Variants in RIN2 observed in about 807,000 individuals in gnomAD.
RIN2 encodes the protein RAB5 interacting protein 2.
RIN2 carries 36 observed loss-of-function variants against 78.0 expected under a neutral mutation model. That is an observed-to-expected ratio of 0.46 (90% CI 0.35 to 0.61). RIN2 has a LOEUF of 0.61. Ranked by LOEUF, RIN2 falls within the 20% of genes least tolerant of loss-of-function variation. The pLI, the probability that RIN2 is intolerant of heterozygous loss-of-function variation, is 0.00. For synonymous variants in RIN2, 466 were observed against 466.8 expected (o/e 1.00, Z 0.02); for missense variants, 1,087 against 1,159.7 (o/e 0.94, Z 0.91).
chr20:19,967,779 T>C lies in RIN2; in HGVS notation c.536+2755T>C, dbSNP rs378567. 9.9e-3 allele frequency among the ~76,000 whole-genome samples: 1,508 copies of C among 152,314 alleles called. 27 individuals are homozygous for C. Among genetic ancestry groups the C allele is most frequent in the South Asian group, 0.047 (229 of 4,830 alleles). On this transcript the variant is annotated intron_variant, in intron 7 of 12. Coordinates refer to ENST00000255006, the MANE Select transcript of RIN2 (RefSeq NM_018993.4). ...GTTTTGCATTTTCAGCAAGCTCCCA[T>C]GGGTTAAGGCTAATGCTGCTTGTCC...
In RIN2 at chr20:19,958,710, A is replaced by C. The variant is rs553263724; in HGVS notation, c.351+1903A>C. On this transcript the variant is annotated intron_variant, in intron 5 of 12. Coordinates refer to ENST00000255006, the MANE Select transcript of RIN2 (RefSeq NM_018993.4). Reference sequence around the variant, plus strand: ...ATGGCGAAACCCCGTCTCTACTAAAAATACACAAGTTAGCCAGCCATGGTG... The same window carrying C: ...ATGGCGAAACCCCGTCTCTACTAAACATACACAAGTTAGCCAGCCATGGTG... Among the ~76,000 whole-genome samples the C allele has an allele frequency of 7.9e-5, 12 of 152,312 alleles. No individual in the cohort carries two copies. The East Asian group carries it at 2.3e-3, about 29-fold the overall frequency.
chr20:19,831,287 G>GA (rs370636756), intron 2 of RIN2, among the ~76,000 whole-genome samples: 4 of 152,134 alleles, frequency 2.6e-5, no homozygotes, highest in African/African-American at 9.7e-5. Flanking sequence ...TTTTTAACCT[G>GA]AAAAAATTGA....
intron 3 of RIN2, among the ~76,000 whole-genome samples, chr20:19,932,705 T>A (rs1046997264): frequency 2.0e-4 from 30 of 152,120 alleles, no homozygotes; most frequent in Non-Finnish European, 4.1e-4. Context: ...CCTTAGATAA[T>A]CTCTCCCTGC....
chr20:19,859,558 G>A (rs2037270383), intron 2 of RIN2, among the ~76,000 whole-genome samples: 1 of 152,122 alleles, frequency 6.6e-6, no homozygotes, highest in Non-Finnish European at 1.5e-5. Flanking sequence ...CCATTAAATA[G>A]TCACAAGGTC....
chr20:19,875,898 A>C (rs1432165584), intron 2 of RIN2, among the ~76,000 whole-genome samples: 1 of 152,196 alleles, frequency 6.6e-6, no homozygotes, highest in Non-Finnish European at 1.5e-5. Flanking sequence ...GAGGATGGGA[A>C]GGAAGATGAG....
intron 3 of RIN2, among the ~76,000 whole-genome samples, chr20:19,925,535 A>G (rs1357208302): frequency 1.3e-5 from 2 of 152,252 alleles, no homozygotes; most frequent in Non-Finnish European, 2.9e-5. Context: ...ATATCAGACA[A>G]TGGATTCATA....
At chr20:19,933,261 A>G (rs564808133) in intron 3 of RIN2, among the ~76,000 whole-genome samples, 2 of 152,326 alleles carry the variant, frequency 1.3e-5, no homozygotes, top group South Asian at 4.1e-4. Flanking sequence ...AAGGTGGTGA[A>G]TACCATGATC....
intron 2 of RIN2, among the ~76,000 whole-genome samples, chr20:19,825,075 A>T (rs1052293762): frequency 1.9e-4 from 29 of 152,192 alleles, no homozygotes; most frequent in African/African-American, 7.0e-4. Context: ...GGTATGAGTC[A>T]TGCTCTCAAG....
intron 2 of RIN2, among the ~76,000 whole-genome samples, chr20:19,882,080 A>G (rs1424694695): frequency 1.3e-5 from 2 of 152,236 alleles, no homozygotes; most frequent in Non-Finnish European, 2.9e-5. Flanking sequence ...GGAAAGTGAA[A>G]AAAACTTGGT....
chr20:19,830,262 A>AT (rs11484135), intron 2 of RIN2, among the ~76,000 whole-genome samples: 26,473 of 151,540 alleles, frequency 0.17, 2,542 homozygotes, highest in African/African-American at 0.26. Flanking sequence ...CTAGCTTCAC[A>AT]TTTTTTTTTA....
intron 2 of RIN2, among the ~76,000 whole-genome samples, chr20:19,838,673 G>A (rs2036491904): frequency 6.6e-6 from 1 of 152,174 alleles, no homozygotes; most frequent in Non-Finnish European, 1.5e-5. Context: ...ATGGCTACAG[G>A]AAATCATACT....
At chr20:19,927,028 T>A (rs1193685059) in intron 3 of RIN2, among the ~76,000 whole-genome samples, 1 of 152,206 alleles carries the variant, frequency 6.6e-6, no homozygotes, top group Non-Finnish European at 1.5e-5. Context: ...TAGGGGAAAT[T>A]CAGCGCCTAG....
At chr20:19,977,318 G>C (rs1020819014) in intron 9 of RIN2, among the ~76,000 whole-genome samples, 1 of 152,106 alleles carries the variant, frequency 6.6e-6, no homozygotes, top group Non-Finnish European at 1.5e-5. Context: ...AGTTAGTCCC[G>C]GGAAGCTCTT....
At chr20:19,910,156 A>T (rs376350945) in intron 3 of RIN2, among the ~76,000 whole-genome samples, 1 of 152,052 alleles carries the variant, frequency 6.6e-6, no homozygotes, top group African/African-American at 2.4e-5. Flanking sequence ...TTAATTTTTT[A>T]TTTATTTTAA....
chr20:19,889,064 A>G, intron 2 of RIN2: 1 of 919,270 alleles, frequency 1.1e-6, no homozygotes, highest in Non-Finnish European at 1.3e-6. Flanking sequence ...CTAAGGGAAA[A>G]ATAGAGCAAT....
chr20:19,848,534 C>CAAAA (rs11352724), intron 2 of RIN2, among the ~76,000 whole-genome samples: 2 of 52,800 alleles, frequency 3.8e-5, no homozygotes, highest in African/African-American at 5.7e-5. Context: ...GACTCCATCT[C>CAAAA]AAAAAAAAAA....
Position 20,001,090 on chromosome 20 carries a change from A to T in RIN2, c.*154A>T, listed in dbSNP as rs937862108. 3.1e-6 allele frequency: 2 copies of T among 645,296 alleles called. No individual in the cohort carries two copies. The highest frequency in any genetic ancestry group is 5.2e-6 in the Non-Finnish European group (2 of 383,400). The allele number at this position is 645,296 out of a possible 1,614,324, so 40.0% of individuals were successfully genotyped here. A position where few individuals can be genotyped will look rare whatever the true frequency, so the allele number is the denominator to read the frequency against. ...CCACAGGCCAACTCGGCCAAGGGCA[A>T]CTTTAGCCACGCAAGGTAGCTGAGG... On this transcript the variant is annotated 3_prime_UTR_variant, in exon 13 of 13. Coordinates refer to ENST00000255006, the MANE Select transcript of RIN2 (RefSeq NM_018993.4).
chr20:19,987,613 C>A (rs1440224171), intron 9 of RIN2, among the ~76,000 whole-genome samples: 2 of 152,212 alleles, frequency 1.3e-5, no homozygotes, highest in East Asian at 3.9e-4. Context: ...TGAAGTAAAG[C>A]ACTTAGATGG....
At chr20:19,931,867 G>T (rs1299156865) in intron 3 of RIN2, among the ~76,000 whole-genome samples, 1 of 152,102 alleles carries the variant, frequency 6.6e-6, no homozygotes, top group Non-Finnish European at 1.5e-5. Flanking sequence ...ACCCTTAGGT[G>T]TTCTCACAAA....
Sources: allele counts gnomAD v4.1 joint callset (sites outside exome capture counted in the v4.1 genomes callset), GRCh38; gene constraint gnomAD v4.1.1; transcripts MANE v1.5; gene names NCBI Gene and HGNC (gene_info 2026-07-23, HGNC 2026-07-21).